PDGFD: variants seen among roughly 807,000 people sequenced by gnomAD.
PDGFD encodes the protein platelet derived growth factor D.
PDGFD carries 30 observed loss-of-function variants against 44.7 expected under a neutral mutation model. That is an observed-to-expected ratio of 0.67 (90% CI 0.50 to 0.91). The LOEUF is 0.91. Among genes scored for constraint, PDGFD ranks in the 40% least tolerant of loss-of-function variants. The pLI, the probability that PDGFD is intolerant of heterozygous loss-of-function variation, is 0.00. For missense variants in PDGFD, 445 were observed against 457.8 expected, an observed-to-expected ratio of 0.97 and a Z score of 0.25; for synonymous variants, 173 against 168.4, an observed-to-expected ratio of 1.03 and a Z score of -0.21.
intron 1 of PDGFD, among the ~76,000 whole-genome samples, chr11:104,024,956 T>C (rs1248473402): frequency 6.6e-6 from 1 of 152,216 alleles, no homozygotes; most frequent in African/African-American, 2.4e-5. Context: ...ATTGATACTT[T>C]AGAATAACCC....
chr11:103,920,909 A>G (rs903194920), intron 6 of PDGFD, among the ~76,000 whole-genome samples: 7 of 152,228 alleles, frequency 4.6e-5, no homozygotes, highest in African/African-American at 1.4e-4. Flanking sequence ...AATTTCATTA[A>G]GATTTTGGGG....
chr11:104,000,559 G>A (rs1046812080), intron 1 of PDGFD, among the ~76,000 whole-genome samples: 9 of 125,008 alleles, frequency 7.2e-5, no homozygotes, highest in Non-Finnish European at 1.2e-4. Context: ...GATATTCTCC[G>A]ATGGGTAACC....
rs1488846559 is a variant in PDGFD at position 103,908,646 on chromosome 11, G to A, written c.*1048C>T. On this transcript the variant is annotated 3_prime_UTR_variant, in exon 7 of 7. Transcript: ENST00000393158. ...ATTTCAAAAAGACGGGAACACAAAA[G>A]CAAGATACATTAAATTAATTGGTGT... 1 of 152,120 alleles carries A rather than the reference G, an allele frequency of 6.6e-6. No homozygotes were observed. The highest frequency in any genetic ancestry group is 1.5e-5 in the Non-Finnish European group (1 of 67,998). 9.4% of individuals were successfully genotyped at this position (152,120 alleles called of 1,614,324 possible).
chr11:103,995,932 A>C lies in PDGFD; in HGVS notation c.510+133T>G, dbSNP rs183718106. On this transcript the variant is annotated intron_variant, in intron 3 of 6. Coordinates refer to ENST00000393158, the MANE Select transcript of PDGFD (RefSeq NM_025208.5). ...GAAGGATTTTAACATTTTGACCATA[A>C]GGTAGGAACAAACCATGTTATAAGG... 1.4e-3 allele frequency: 1,032 copies of C among 723,128 alleles called. 1 individual carries two copies. The highest frequency in any genetic ancestry group is 2.1e-3 in the Non-Finnish European group (961 of 456,082). The allele number at this position is 723,128 out of a possible 1,614,324, so 44.8% of individuals were successfully genotyped here.
chr11:104,139,176 G>T (rs938972628), intron 1 of PDGFD, among the ~76,000 whole-genome samples: 1 of 152,072 alleles, frequency 6.6e-6, no homozygotes, highest in African/African-American at 2.4e-5. Context: ...ATGTAGAATT[G>T]TATTATTTCC....
At chr11:103,926,691 T>C (rs553966052) in intron 6 of PDGFD, among the ~76,000 whole-genome samples, 2 of 152,340 alleles carry the variant, frequency 1.3e-5, no homozygotes, top group Non-Finnish European at 2.9e-5. Flanking sequence ...ACATGGTGTA[T>C]TGTTCAAATT....
chr11:104,098,488 A>G (rs1861317615), intron 1 of PDGFD, among the ~76,000 whole-genome samples: 1 of 146,604 alleles, frequency 6.8e-6, no homozygotes, highest in South Asian at 2.2e-4. Flanking sequence ...GAGAGGGGAA[A>G]TATTTTCCTT....
At chr11:103,932,769 C>T (rs930461657) in intron 5 of PDGFD, among the ~76,000 whole-genome samples, 1 of 152,162 alleles carries the variant, frequency 6.6e-6, no homozygotes, top group Admixed American at 6.5e-5. Context: ...ATCAGATAAA[C>T]CATGGATTTT....
At chr11:104,076,583 C>T (rs1292254086) in intron 1 of PDGFD, among the ~76,000 whole-genome samples, 1 of 152,098 alleles carries the variant, frequency 6.6e-6, no homozygotes, top group East Asian at 1.9e-4. Context: ...TTGAATCATA[C>T]CTGAATCTCC....
At chr11:104,036,597 C>T in intron 1 of PDGFD, 1 of 576,334 alleles carries the variant, frequency 1.7e-6, no homozygotes, top group South Asian at 2.2e-5. Context: ...GACTTTGGAA[C>T]ACAACGTGCT....
intron 1 of PDGFD, among the ~76,000 whole-genome samples, chr11:104,092,851 C>T (rs1861230718): frequency 6.6e-6 from 1 of 152,072 alleles, no homozygotes; most frequent in Admixed American, 6.6e-5. Flanking sequence ...CAACATTTGT[C>T]CTGCATGCTT....
At chr11:104,031,522 G>A (rs572619929) in intron 1 of PDGFD, among the ~76,000 whole-genome samples, 6 of 152,286 alleles carry the variant, frequency 3.9e-5, no homozygotes, top group Admixed American at 1.3e-4. Flanking sequence ...TTGAGAAATA[G>A]GAATGCTTTT....
chr11:104,078,317 G>A (rs1201542892), intron 1 of PDGFD, among the ~76,000 whole-genome samples: 1 of 152,162 alleles, frequency 6.6e-6, no homozygotes, highest in African/African-American at 2.4e-5. Context: ...CTTCCCTACT[G>A]TTTTTGAGGC....
intron 3 of PDGFD, among the ~76,000 whole-genome samples, chr11:103,965,420 G>T (rs565051634): frequency 1.3e-5 from 2 of 152,306 alleles, no homozygotes; most frequent in East Asian, 3.9e-4. Flanking sequence ...TGGTCAGCCA[G>T]GTGCTGTATC....
intron 1 of PDGFD, among the ~76,000 whole-genome samples, chr11:104,118,647 T>C (rs970384140): frequency 1.4e-5 from 2 of 147,500 alleles, no homozygotes; most frequent in Admixed American, 1.4e-4. Flanking sequence ...GATATCCCAT[T>C]GCTAACTTGC....
chr11:103,984,050 C>G (rs1157821084), intron 3 of PDGFD, among the ~76,000 whole-genome samples: 4 of 151,612 alleles, frequency 2.6e-5, no homozygotes, highest in Non-Finnish European at 2.9e-5. Flanking sequence ...CTCAGCAATC[C>G]ATTATTGGGT....
rs1010153252 is a variant in PDGFD at position 103,907,800 on chromosome 11, G to C, written c.*1894C>G. On this transcript the variant is annotated 3_prime_UTR_variant, in exon 7 of 7. Coordinates refer to ENST00000393158, the MANE Select transcript of PDGFD (RefSeq NM_025208.5). ...CAAAGCAGTTATGAAGAGGAAGAGCGTTCTTAATTATTAGTGTCTGCCTGA... is the reference window on the plus strand; with the variant it reads ...CAAAGCAGTTATGAAGAGGAAGAGCCTTCTTAATTATTAGTGTCTGCCTGA... The C allele has an allele frequency of 6.6e-6, 1 of 152,174 alleles. No individual in the cohort carries two copies. The allele number at this position is 152,174 out of a possible 1,614,324, so 9.4% of individuals were successfully genotyped here.
intron 5 of PDGFD, among the ~76,000 whole-genome samples, chr11:103,940,748 G>A (rs913891762): frequency 2.6e-5 from 4 of 152,124 alleles, no homozygotes; most frequent in African/African-American, 9.7e-5. Context: ...AGCAGAGACA[G>A]TGGTGACTTG....
intron 6 of PDGFD, among the ~76,000 whole-genome samples, chr11:103,922,772 G>T (rs1236456487): frequency 6.6e-6 from 1 of 151,606 alleles, no homozygotes; most frequent in East Asian, 1.9e-4. Flanking sequence ...AGATGGGGGG[G>T]TCTCGCTATG....
Sources: gnomAD v4.1 joint callset for allele counts (sites outside exome capture counted in the v4.1 genomes callset) on GRCh38, gnomAD v4.1.1 for gene constraint, MANE v1.5 for transcripts, NCBI Gene and HGNC (gene_info 2026-07-23, HGNC 2026-07-21) for gene names.